EXOC4: variants seen among roughly 807,000 people sequenced by gnomAD.
EXOC4 encodes exocyst complex component 4, also known as SEC8-like 1.
In EXOC4, 71 loss-of-function variants were observed where a neutral mutation model predicts 107.2. That is an observed-to-expected ratio of 0.66 (90% CI 0.55 to 0.81). EXOC4 has a LOEUF of 0.81. EXOC4 is among the 30% of genes least tolerant of loss of function. The pLI is 0.00. For missense variants in EXOC4, 1,108 were observed against 1,189.6 expected (o/e 0.93, Z 1.01); for synonymous variants, 456 against 441.2 (o/e 1.03, Z -0.42).
intron 9 of EXOC4, among the ~76,000 whole-genome samples, chr7:133,545,872 C>G (rs978020335): frequency 5.9e-5 from 9 of 152,178 alleles, no homozygotes; most frequent in Admixed American, 5.2e-4. Flanking sequence ...CTGAGCCTCC[C>G]TTTTTCCAAA....
intron 17 of EXOC4, among the ~76,000 whole-genome samples, chr7:134,034,197 A>G (rs1343670715): frequency 6.6e-6 from 1 of 152,224 alleles, no homozygotes; most frequent in Non-Finnish European, 1.5e-5. Flanking sequence ...TGGGTGGGAA[A>G]AGACTCAAGA....
At chr7:133,651,216 T>C (rs193052633) in intron 10 of EXOC4, among the ~76,000 whole-genome samples, 1 of 152,134 alleles carries the variant, frequency 6.6e-6, no homozygotes, top group Non-Finnish European at 1.5e-5. Context: ...TAGCGCCTTC[T>C]GTTCTTTAGG....
At chr7:134,020,613 A>C (rs540221691) in intron 17 of EXOC4, among the ~76,000 whole-genome samples, 1 of 152,348 alleles carries the variant, frequency 6.6e-6, no homozygotes, top group South Asian at 2.1e-4. Flanking sequence ...ATAGCATTTC[A>C]TTCACCTAGT....
intron 10 of EXOC4, among the ~76,000 whole-genome samples, chr7:133,766,143 G>T (rs1796134482): frequency 6.6e-6 from 1 of 151,814 alleles, no homozygotes; most frequent in African/African-American, 2.4e-5. Flanking sequence ...CTTGAATATG[G>T]CTTTTAGGAG....
intron 17 of EXOC4, among the ~76,000 whole-genome samples, chr7:134,014,508 G>A (rs552866513): frequency 6.6e-6 from 1 of 152,132 alleles, no homozygotes; most frequent in African/African-American, 2.4e-5. Flanking sequence ...ATGATGTGCT[G>A]AATCTTGAAA....
At chr7:133,605,167 C>G (rs546492372) in intron 9 of EXOC4, among the ~76,000 whole-genome samples, 25 of 152,284 alleles carry the variant, frequency 1.6e-4, no homozygotes, top group African/African-American at 5.8e-4. Context: ...GAGACTAATT[C>G]ATCAATTCTT....
intron 7 of EXOC4, among the ~76,000 whole-genome samples, chr7:133,413,862 T>A (rs536365414): frequency 6.6e-6 from 1 of 152,022 alleles, no homozygotes; most frequent in Non-Finnish European, 1.5e-5. Context: ...GGGTATAAAG[T>A]CCAGGCCATC....
chr7:134,050,934 C>T (rs946140230), intron 17 of EXOC4, among the ~76,000 whole-genome samples: 2 of 151,866 alleles, frequency 1.3e-5, no homozygotes, highest in East Asian at 3.9e-4. Context: ...GCAACTGTAA[C>T]AATCCAATGA....
At chr7:133,704,611 G>A (rs1443014825) in intron 10 of EXOC4, among the ~76,000 whole-genome samples, 2 of 152,206 alleles carry the variant, frequency 1.3e-5, no homozygotes, top group African/African-American at 2.4e-5. Context: ...TGTCCTTGCT[G>A]CATCTGGCCT....
chr7:133,738,994 A>G (rs1795505077), intron 10 of EXOC4, among the ~76,000 whole-genome samples: 1 of 152,224 alleles, frequency 6.6e-6, no homozygotes, highest in Non-Finnish European at 1.5e-5. Context: ...AGACTGAAAC[A>G]TAACTTGAGA....
intron 17 of EXOC4, among the ~76,000 whole-genome samples, chr7:134,014,623 G>A (rs1794857308): frequency 6.6e-6 from 1 of 152,092 alleles, no homozygotes; most frequent in Non-Finnish European, 1.5e-5. Context: ...ATTAGTAGGG[G>A]TCGAAAGGAA....
intron 11 of EXOC4, among the ~76,000 whole-genome samples, chr7:133,861,062 A>G (rs1389059427): frequency 1.3e-5 from 2 of 152,162 alleles, no homozygotes; most frequent in Admixed American, 6.6e-5. Context: ...TAACAAAACA[A>G]CCTCATCAGC....
At position 133,848,528 on chromosome 7, in the gene EXOC4, G is replaced by C. The variant is rs180840343; in HGVS notation, c.1734+30984G>C. 2.9e-3 allele frequency among the ~76,000 whole-genome samples: 445 copies of C among 152,334 alleles called. 2 individuals carry two copies. The highest frequency in any genetic ancestry group is 4.9e-3 in the Non-Finnish European group (335 of 68,032). On this transcript the variant is annotated intron_variant, in intron 11 of 17. Transcript: ENST00000253861. Reference sequence around the variant, plus strand: ...GTGGAAGGTAATTGTATCTTAGATAGAATGGTATATTCTGTATAACACAGA... The same window carrying C: ...GTGGAAGGTAATTGTATCTTAGATACAATGGTATATTCTGTATAACACAGA...
At chr7:133,366,455 CT>C (rs1406884082) in intron 6 of EXOC4, among the ~76,000 whole-genome samples, 1 of 152,114 alleles carries the variant, frequency 6.6e-6, no homozygotes, top group Non-Finnish European at 1.5e-5. Flanking sequence ...TGTTACTTTT[CT>C]GTTTTTTAAA....
intron 7 of EXOC4, among the ~76,000 whole-genome samples, chr7:133,383,420 A>G (rs1796661611): frequency 6.6e-6 from 1 of 152,174 alleles, no homozygotes; most frequent in Admixed American, 6.5e-5. Context: ...GACACCTAGA[A>G]CAAGTCACTT....
At chr7:133,679,760 G>A (rs964203271) in intron 10 of EXOC4, among the ~76,000 whole-genome samples, 1 of 152,178 alleles carries the variant, frequency 6.6e-6, no homozygotes. Context: ...TCTAGAATTT[G>A]CATTTTCTCA....
intron 14 of EXOC4, among the ~76,000 whole-genome samples, chr7:133,993,807 G>A (rs766122654): frequency 1.3e-5 from 2 of 152,138 alleles, no homozygotes; most frequent in Admixed American, 6.5e-5. Context: ...GCAAGTGGTG[G>A]CCACAGCCTC....
intron 10 of EXOC4, among the ~76,000 whole-genome samples, chr7:133,815,251 C>T (rs1003541136): frequency 5.9e-5 from 9 of 151,582 alleles, no homozygotes; most frequent in African/African-American, 2.2e-4. Flanking sequence ...CGTGGTGGTG[C>T]ACACCTGTAA....
chr7:133,632,771 T>A (rs1186185156), intron 10 of EXOC4, among the ~76,000 whole-genome samples: 1 of 152,000 alleles, frequency 6.6e-6, no homozygotes, highest in Non-Finnish European at 1.5e-5. Context: ...CTTGTTCAGA[T>A]GTAGTTACTC....
Sources: allele counts gnomAD v4.1 joint callset (sites outside exome capture counted in the v4.1 genomes callset), GRCh38; gene constraint gnomAD v4.1.1; transcripts MANE v1.5; gene names NCBI Gene and HGNC (gene_info 2026-07-23, HGNC 2026-07-21).